The following AHR variants were observed in gnomAD, a reference collection of about 807,000 sequenced individuals.
The protein encoded by AHR is AH-receptor.
A neutral mutation model predicts 86.8 loss-of-function variants in AHR; 40 were observed. The observed-to-expected ratio is 0.46, with a 90% CI of 0.36 to 0.60. The LOEUF is 0.60. AHR is among the 20% of genes least tolerant of loss of function. AHR has a pLI of 0.00. For synonymous variants in AHR, 398 were observed against 354.9 expected (o/e 1.12, Z -1.37); for missense variants, 1,001 against 1,011.6 (o/e 0.99, Z 0.14).
In AHR at chr7:17,342,933, G is replaced by A; in HGVS notation, c.2416G>A (p.Val806Ile). Residue 806 changes from valine to isoleucine, a missense_variant, in exon 11 of 11, where the codon GTT (valine) becomes ATT (isoleucine). Val to Ile is a conservative substitution (Grantham distance 29, BLOSUM62 3). Around this residue, in one of 2 missense-constraint regions of AHR, gnomAD observed 607 missense variants for 543.1 expected, o/e 1.12. Transcript: ENST00000242057. ...TTTTTGTTTTCAGTTTCAGAATGGA[G>A]TTTTAAATGAAACATATCCAGCTGA... ...QAFLNKFQNG[V>I]LNETYPAELN... The A allele has an allele frequency of 6.2e-7, 1 of 1,612,342 alleles. No homozygotes were observed. The highest frequency in any genetic ancestry group is 8.5e-7 in the Non-Finnish European group (1 of 1,179,192).
intron 2 of AHR, among the ~76,000 whole-genome samples, chr7:17,311,452 T>C (rs917397193): frequency 3.9e-5 from 6 of 152,234 alleles, no homozygotes; most frequent in African/African-American, 2.4e-5. Flanking sequence ...ATTTGACTGG[T>C]AATTTGTGTT....
intron 2 of AHR, among the ~76,000 whole-genome samples, chr7:17,320,783 G>T (rs1199430377): frequency 6.6e-6 from 1 of 152,088 alleles, no homozygotes; most frequent in African/African-American, 2.4e-5. Context: ...TGGTCTTGAT[G>T]AACTGTTAGG....
chr7:17,331,549 T>A (rs1782288928), intron 6 of AHR, among the ~76,000 whole-genome samples: 1 of 152,036 alleles, frequency 6.6e-6, no homozygotes, highest in Non-Finnish European at 1.5e-5. Flanking sequence ...CCTTTTTTAA[T>A]AGGAGGATGC....
At position 17,344,647 on chromosome 7, in the gene AHR, TGA is replaced by T. The variant is rs916447423; in HGVS notation, c.*1591_*1592del. The stretch of plus-strand genomic sequence containing the variant: ...TTTTATTCTTTTTTTTTTTTTTTTT[TGA>T]GAGAGAGTCTTACTCTGCCGCCCAA... On this transcript the variant is annotated 3_prime_UTR_variant, in exon 11 of 11. Transcript: ENST00000242057. 3.3e-5 allele frequency: 5 copies of T among 150,702 alleles called. No homozygotes were observed. Among genetic ancestry groups the T allele is most frequent in the Admixed American group, 1.3e-4 (2 of 15,154 alleles). The allele number at this position is 150,702 out of a possible 1,614,324, so 9.3% of individuals were successfully genotyped here. A position where few individuals can be genotyped will look rare whatever the true frequency, so the allele number is the denominator to read the frequency against.
At chr7:17,311,015 C>T (rs1782058805) in intron 2 of AHR, among the ~76,000 whole-genome samples, 1 of 152,110 alleles carries the variant, frequency 6.6e-6, no homozygotes, top group East Asian at 1.9e-4. Context: ...TCTCAGTTTT[C>T]TCAGCAGTAA....
At chr7:17,314,088 C>T (rs914304808) in intron 2 of AHR, among the ~76,000 whole-genome samples, 3 of 152,020 alleles carry the variant, frequency 2.0e-5, no homozygotes, top group African/African-American at 7.2e-5. Flanking sequence ...TTTTATACAG[C>T]TGCCCCAAAA....
intron 3 of AHR, among the ~76,000 whole-genome samples, chr7:17,325,753 T>G (rs1206919094): frequency 1.4e-4 from 21 of 152,060 alleles, no homozygotes. Context: ...TGAGAACACA[T>G]GGACACACAG....
intron 1 of AHR, among the ~76,000 whole-genome samples, chr7:17,300,526 T>C (rs1781944442): frequency 6.6e-6 from 1 of 152,208 alleles, no homozygotes; most frequent in East Asian, 1.9e-4. Context: ...ATCATAGTTC[T>C]TCAGAAGTAT....
At chr7:17,322,174 TG>T (rs1455122550) in intron 2 of AHR, among the ~76,000 whole-genome samples, 10 of 152,018 alleles carry the variant, frequency 6.6e-5, no homozygotes, top group Non-Finnish European at 1.3e-4. Flanking sequence ...GAGGAGTGTT[TG>T]TAACAGTGTT....
At position 17,344,628 on chromosome 7, in the gene AHR, T is replaced by TC. The variant is rs1031175059; in HGVS notation, c.*1565dup. On this transcript the variant is annotated 3_prime_UTR_variant, in exon 11 of 11. Transcript: ENST00000242057. ...AAGAAAAAATGACACCATCTTTTAT[T>TC]CTTTTTTTTTTTTTTTTTTGAGAGA... is the stretch of plus-strand genomic sequence containing the variant. 1 of 150,920 alleles carries TC rather than the reference T, an allele frequency of 6.6e-6. No homozygotes were observed. The highest frequency in any genetic ancestry group is 1.5e-5 in the Non-Finnish European group (1 of 67,684). The allele number at this position is 150,920 out of a possible 1,614,324, so 9.3% of individuals were successfully genotyped here.
At chr7:17,324,801 GAA>G (rs71816868) in intron 3 of AHR, among the ~76,000 whole-genome samples, 5 of 138,792 alleles carry the variant, frequency 3.6e-5, no homozygotes, top group African/African-American at 7.8e-5. Context: ...GACTCCATCT[GAA>G]AAAAAAAAAA....
Position 17,299,091 on chromosome 7 carries a change from G to A in AHR, c.-174G>A, listed in dbSNP as rs1018294032. On this transcript the variant is annotated 5_prime_UTR_variant, in exon 1 of 11. Transcript: ENST00000242057. ...TGGCGCGGGCTGCGGAAGCCTGCGT[G>A]AGCCGAGGCGTTGAGGCGCGGCGCC... The A allele has an allele frequency of 1.6e-6, 1 of 628,172 alleles. No individual in the cohort carries two copies. The highest frequency in any genetic ancestry group is 3.4e-5 in the East Asian group (1 of 29,720). The allele number at this position is 628,172 out of a possible 1,614,324, so 38.9% of individuals were successfully genotyped here. A position where few individuals can be genotyped will look rare whatever the true frequency, so the allele number is the denominator to read the frequency against.
At chr7:17,314,161 C>T (rs1311613509) in intron 2 of AHR, among the ~76,000 whole-genome samples, 1 of 152,068 alleles carries the variant, frequency 6.6e-6, no homozygotes, top group East Asian at 1.9e-4. Flanking sequence ...ATGAGCCTGA[C>T]AAAATGGAGC....
At chr7:17,322,402 G>A (rs892458065) in intron 2 of AHR, 99 bp from the exon 3 acceptor site, 1 of 718,108 alleles carries the variant, frequency 1.4e-6, no homozygotes, top group Non-Finnish European at 2.4e-6. Context: ...GTGGATGCCA[G>A]TATTTCAAAT....
Position 17,327,259 on chromosome 7 carries a change from T to TTA in AHR, c.361-491_361-490dup, listed in dbSNP as rs140982996. ...ATTATAGTTTAATTACATGTATATT[T>TTA]TATATATATAGTGTTTTCCTGTAAA... On this transcript the variant is annotated intron_variant, in intron 3 of 10. Transcript: ENST00000242057. Among the ~76,000 whole-genome samples, 555 of 152,094 alleles carry TTA rather than the reference T, an allele frequency of 3.6e-3. 5 individuals carry two copies. The East Asian group carries it at 0.043, about 12-fold the overall frequency.
rs753610053 is a variant in AHR at position 17,330,799 on chromosome 7, C to G, written c.618C>G (p.Asp206Glu). The change falls in exon 6 of 11, where the codon GAC (aspartate) becomes GAG (glutamate). Residue 206 changes from aspartate to glutamate, a missense_variant. Asp to Glu is a conservative substitution (Grantham distance 45). Transcript: ENST00000242057. ...LPQTVVCYNP[D>E]QIPPENSPLM... is the part of the protein sequence containing the mutation. ...AGACAGTAGTCTGTTATAACCCAGA[C>G]CAGATTCCTCCAGAAAACTCTCCTT... 6.2e-7 allele frequency: 1 copy of G among 1,612,316 alleles called. No individual in the cohort carries two copies. The highest frequency in any genetic ancestry group is 8.5e-7 in the Non-Finnish European group (1 of 1,178,780).
intron 1 of AHR, among the ~76,000 whole-genome samples, chr7:17,303,413 G>A (rs1268306724): frequency 6.6e-6 from 1 of 151,878 alleles, no homozygotes; most frequent in Non-Finnish European, 1.5e-5. Flanking sequence ...CATATCCTAG[G>A]GATTTTCACT....
Position 17,343,008 on chromosome 7 carries a change from C to G in AHR, c.2491C>G (p.His831Asp). The change falls in exon 11 of 11, where the codon CAT (histidine) becomes GAT (aspartate). Residue 831 changes from histidine to aspartate, a missense_variant. His to Asp is a moderately conservative substitution (Grantham distance 81). Coordinates refer to ENST00000242057, the MANE Select transcript of AHR (RefSeq NM_001621.5). ...GACTACCACACATCTTCAGCCACTT[C>G]ATCATCCGTCAGAAGCCAGACCTTT... is the stretch of plus-strand genomic sequence containing the variant. ...TQTTTHLQPLHHPSEARPFPD... is the reference protein window; with the variant it reads ...TQTTTHLQPLDHPSEARPFPD... 3.1e-6 allele frequency: 5 copies of G among 1,613,926 alleles called. No individual in the cohort carries two copies. The highest frequency in any genetic ancestry group is 4.2e-6 in the Non-Finnish European group (5 of 1,179,840).
chr7:17,340,530 A>G (rs1782409721), intron 10 of AHR, among the ~76,000 whole-genome samples: 1 of 152,170 alleles, frequency 6.6e-6, no homozygotes, highest in Non-Finnish European at 1.5e-5. Context: ...TTTTAGAAGT[A>G]TTTTGTTTAA....
Sources: gnomAD v4.1 joint callset for allele counts (sites outside exome capture counted in the v4.1 genomes callset) on GRCh38, gnomAD v4.1.1 for gene constraint, gnomAD v4.1.1 regional missense constraint, MANE v1.5 for transcripts, NCBI Gene and HGNC (gene_info 2026-07-23, HGNC 2026-07-21) for gene names.